COX5A: variants seen among roughly 807,000 people sequenced by gnomAD.
COX5A encodes the protein cytochrome c oxidase subunit 5A.
COX5A carries 6 observed loss-of-function variants against 16.1 expected under a neutral mutation model. The ratio of observed to expected loss-of-function variants is 0.37; its 90% CI spans 0.20 to 0.73. The LOEUF (loss-of-function observed/expected upper bound fraction) is 0.73, where lower values mean the gene tolerates loss of function less well. Among genes scored for constraint, COX5A ranks in the 30% least tolerant of loss-of-function variants. The pLI is 0.50. For missense variants in COX5A, 159 were observed against 194.9 expected (o/e 0.82, Z 1.10); for synonymous variants, 73 against 73.8 (o/e 0.99, Z 0.06).
chr15:74,926,000 G>T (rs1009566567), intron 3 of COX5A, among the ~76,000 whole-genome samples: 2 of 150,616 alleles, frequency 1.3e-5, no homozygotes, highest in African/African-American at 2.4e-5. Context: ...CAAGTAGCTG[G>T]GATTACAGGC....
chr15:74,931,861 T>C (rs1048455916), intron 1 of COX5A, among the ~76,000 whole-genome samples: 26 of 152,142 alleles, frequency 1.7e-4, no homozygotes, highest in African/African-American at 6.3e-4. Flanking sequence ...GCCCCATTTT[T>C]TCTTTCTTCT....
chr15:74,928,130 C>T (rs1351494729), intron 2 of COX5A, among the ~76,000 whole-genome samples: 3 of 152,160 alleles, frequency 2.0e-5, no homozygotes, highest in Non-Finnish European at 4.4e-5. Context: ...ACTTAGGTTT[C>T]TTGCTTTTAT....
intron 3 of COX5A, among the ~76,000 whole-genome samples, chr15:74,926,159 C>T (rs1441905792): frequency 2.0e-5 from 3 of 151,722 alleles, no homozygotes; most frequent in Non-Finnish European, 4.4e-5. Context: ...CCCGCCTCAG[C>T]CTCCTGAGTA....
intron 2 of COX5A, among the ~76,000 whole-genome samples, chr15:74,928,515 G>A (rs2065353270): frequency 6.6e-6 from 1 of 152,008 alleles, no homozygotes; most frequent in Admixed American, 6.6e-5. Flanking sequence ...CTCCCGAGTA[G>A]CTGTGACTAC....
At chr15:74,932,541 T>A (rs984018320) in intron 1 of COX5A, among the ~76,000 whole-genome samples, 1 of 151,900 alleles carries the variant, frequency 6.6e-6, no homozygotes, top group African/African-American at 2.4e-5. Context: ...ATTAGTAATA[T>A]CCTATATATC....
At chr15:74,930,958 A>G (rs2065364325) in intron 1 of COX5A, among the ~76,000 whole-genome samples, 1 of 130,756 alleles carries the variant, frequency 7.6e-6, no homozygotes, top group African/African-American at 2.9e-5. Context: ...CGGAGCTTGC[A>G]GTGAGCAGAG....
At chr15:74,921,187 C>A (rs980156549) in intron 4 of COX5A, among the ~76,000 whole-genome samples, 1 of 151,242 alleles carries the variant, frequency 6.6e-6, no homozygotes, top group African/African-American at 2.4e-5. Flanking sequence ...GCAGGCAGAT[C>A]GCGAAGTCAG....
intron 1 of COX5A, among the ~76,000 whole-genome samples, chr15:74,936,169 T>C (rs938365634): frequency 6.6e-6 from 1 of 152,022 alleles, no homozygotes. Context: ...CAGGTGCCTG[T>C]AACCCCAGCT....
At chr15:74,933,364 G>A (rs2065374757) in intron 1 of COX5A, among the ~76,000 whole-genome samples, 1 of 151,826 alleles carries the variant, frequency 6.6e-6, no homozygotes, top group Non-Finnish European at 1.5e-5. Flanking sequence ...AGCCAAGATC[G>A]TGCCACTGCA....
intron 4 of COX5A, among the ~76,000 whole-genome samples, chr15:74,923,186 G>A (rs1456785367): frequency 6.6e-6 from 1 of 151,970 alleles, no homozygotes; most frequent in Non-Finnish European, 1.5e-5. Flanking sequence ...AGCACTTTGG[G>A]AGGCCAAGGC....
At chr15:74,928,134 C>G (rs977208132) in intron 2 of COX5A, among the ~76,000 whole-genome samples, 3 of 152,144 alleles carry the variant, frequency 2.0e-5, no homozygotes, top group Admixed American at 6.6e-5. Context: ...AGGTTTCTTG[C>G]TTTTATTACT....
In COX5A at chr15:74,922,448, T is replaced by A. The variant is rs12909335; in HGVS notation, c.*9+1200A>T. On this transcript the variant is annotated intron_variant, in intron 4 of 4. Coordinates refer to ENST00000322347, the MANE Select transcript of COX5A (RefSeq NM_004255.4). The stretch of plus-strand genomic sequence containing the variant: ...TTTTCAGCATTTTCTGTTCAGTTTC[T>A]CAACAGGAAGACTGAATATAAAAAT... 4.0e-4 allele frequency among the ~76,000 whole-genome samples: 61 copies of A among 151,960 alleles called. 1 individual carries two copies. Among genetic ancestry groups the A allele is most frequent in the Admixed American group, 2.1e-3 (32 of 15,242 alleles).
chr15:74,924,525 A>AAAT (rs71140115), intron 3 of COX5A, among the ~76,000 whole-genome samples: 67,958 of 151,500 alleles, frequency 0.45, 16,211 homozygotes, highest in Non-Finnish European at 0.54. Context: ...TGTCTCAAAA[A>AAAT]AATAATAATA....
intron 1 of COX5A, among the ~76,000 whole-genome samples, chr15:74,935,377 TC>T (rs1181850561): frequency 6.6e-6 from 1 of 151,950 alleles, no homozygotes; most frequent in Non-Finnish European, 1.5e-5. Context: ...ACACCTGTAA[TC>T]CCAGCACTTT....
At chr15:74,929,051 T>C (rs2065355210) in intron 2 of COX5A, 65 bp downstream of exon 2, 3 of 1,140,118 alleles carry the variant, frequency 2.6e-6, no homozygotes, top group African/African-American at 3.1e-5. Flanking sequence ...TTGCTCTCAA[T>C]AAAGGAGCAG....
intron 4 of COX5A, among the ~76,000 whole-genome samples, chr15:74,920,743 C>T (rs1395842822): frequency 6.6e-6 from 1 of 152,096 alleles, no homozygotes; most frequent in Non-Finnish European, 1.5e-5. Context: ...TTTGGAAAGC[C>T]GAGGCGAATG....
At chr15:74,933,421 A>G (rs1326668575) in intron 1 of COX5A, among the ~76,000 whole-genome samples, 1 of 57,714 alleles carries the variant, frequency 1.7e-5, no homozygotes, top group Non-Finnish European at 3.0e-5. Flanking sequence ...AAAAAAAAAT[A>G]TCTATCTATC....
At chr15:74,931,432 C>T (rs541625479) in intron 1 of COX5A, among the ~76,000 whole-genome samples, 7 of 151,592 alleles carry the variant, frequency 4.6e-5, no homozygotes, top group Non-Finnish European at 7.4e-5. Context: ...ACCCAGGAGG[C>T]GGAGGTTGAG....
chr15:74,934,646 T>C (rs1156711707), intron 1 of COX5A, among the ~76,000 whole-genome samples: 1 of 152,138 alleles, frequency 6.6e-6, no homozygotes, highest in Non-Finnish European at 1.5e-5. Flanking sequence ...TTAAATTATA[T>C]TGTTAAATCC....
Sources: gnomAD v4.1 joint callset for allele counts (sites outside exome capture counted in the v4.1 genomes callset) on GRCh38, gnomAD v4.1.1 for gene constraint, MANE v1.5 for transcripts, NCBI Gene and HGNC (gene_info 2026-07-23, HGNC 2026-07-21) for gene names.